Variants in GTF2F2 observed in about 807,000 individuals in gnomAD.
GTF2F2 encodes general transcription factor IIF subunit 2, also known as ATP-dependent helicase GTF2F2.
GTF2F2 carries 23 observed loss-of-function variants against 42.2 expected under a neutral mutation model. The observed-to-expected ratio is 0.55, with a 90% CI of 0.39 to 0.77. The LOEUF (loss-of-function observed/expected upper bound fraction) is 0.77. Ranked by LOEUF, GTF2F2 falls within the 30% of genes least tolerant of loss-of-function variation. The pLI, the probability that GTF2F2 is intolerant of heterozygous loss-of-function variation, is 0.00. For synonymous variants in GTF2F2, 105 were observed against 100.8 expected (o/e 1.04, Z -0.25); for missense variants, 261 against 287.2 (o/e 0.91, Z 0.66).
intron 4 of GTF2F2, among the ~76,000 whole-genome samples, chr13:45,157,920 A>T (rs1870842720): frequency 6.6e-6 from 1 of 152,198 alleles, no homozygotes; most frequent in Non-Finnish European, 1.5e-5. Flanking sequence ...CAGGAAATAG[A>T]AAATCAAATT....
intron 5 of GTF2F2, among the ~76,000 whole-genome samples, chr13:45,229,281 C>G (rs78390675): frequency 0.055 from 8,315 of 151,820 alleles, 324 homozygotes; most frequent in East Asian, 0.12. Context: ...ATTTACCACC[C>G]TTTTTTTTGC....
chr13:45,149,834 T>G (rs1267213247), intron 3 of GTF2F2, 46 bp downstream of exon 3: 1 of 1,459,190 alleles, frequency 6.9e-7, no homozygotes, highest in Non-Finnish European at 9.2e-7. Flanking sequence ...TGAGACTATC[T>G]TTTCATTAAT....
intron 4 of GTF2F2, among the ~76,000 whole-genome samples, chr13:45,190,665 G>A (rs916056813): frequency 2.0e-5 from 3 of 152,154 alleles, no homozygotes; most frequent in Non-Finnish European, 4.4e-5. Flanking sequence ...CCGGCATATA[G>A]TAAAATGCTT....
intron 4 of GTF2F2, among the ~76,000 whole-genome samples, chr13:45,194,989 T>C (rs1473163458): frequency 1.3e-5 from 2 of 152,234 alleles, no homozygotes. Flanking sequence ...TTGAATAATA[T>C]TGTCATCTTT....
intron 5 of GTF2F2, among the ~76,000 whole-genome samples, chr13:45,235,041 C>CAAAAAAAAAAAAAAAAAAA: frequency 2.3e-5 from 1 of 43,718 alleles, no homozygotes; most frequent in South Asian, 1.4e-3. Flanking sequence ...GCGGGAAACT[C>CAAAAAAAAAAAAAAAAAAA]AAAAAAAAAA....
At chr13:45,162,358 C>T (rs932139458) in intron 4 of GTF2F2, among the ~76,000 whole-genome samples, 3 of 152,162 alleles carry the variant, frequency 2.0e-5, no homozygotes, top group Non-Finnish European at 4.4e-5. Flanking sequence ...CTGTTTTTTG[C>T]TTACTCCTTT....
chr13:45,141,993 T>A (rs1869950684), intron 2 of GTF2F2, among the ~76,000 whole-genome samples: 1 of 152,228 alleles, frequency 6.6e-6, no homozygotes, highest in Non-Finnish European at 1.5e-5. Context: ...GTTCTGAGGC[T>A]TTGGTTTACT....
At chr13:45,247,552 C>T (rs1314312348) in intron 5 of GTF2F2, among the ~76,000 whole-genome samples, 37 of 151,358 alleles carry the variant, frequency 2.4e-4, no homozygotes, top group Admixed American at 2.4e-3. Flanking sequence ...GCCACCACAC[C>T]CAGCTAATTT....
intron 7 of GTF2F2, among the ~76,000 whole-genome samples, chr13:45,280,229 A>C (rs907711768): frequency 2.6e-5 from 4 of 152,242 alleles, no homozygotes; most frequent in Non-Finnish European, 5.9e-5. Context: ...GGCTAAAGGG[A>C]GAAGGCAGAC....
rs567136369 is a variant in GTF2F2 at position 45,184,553 on chromosome 13, T to A, written c.305-22871T>A. Among the ~76,000 whole-genome samples the A allele has an allele frequency of 5.1e-4, 77 of 152,086 alleles. 1 individual carries two copies. The South Asian group carries it at 0.015, about 29-fold the overall frequency. ...ACCATGTGAGCCACTGTAGCTAGCC[T>A]TTTTTCCCTTTAATTGTGAAATCCT... On this transcript the variant is annotated intron_variant, in intron 4 of 7. Coordinates refer to ENST00000340473, the MANE Select transcript of GTF2F2 (RefSeq NM_004128.3).
rs147448854 is a variant in GTF2F2, at chr13:45,141,837, G to A, written c.140+5031G>A. On this transcript the variant is annotated intron_variant, in intron 2 of 7. Transcript: ENST00000340473. ...ACAAATCATTTTGGGTGTTTAATAC[G>A]GACAAAGTTTTAAAACATTGTTATG... Among the ~76,000 whole-genome samples, 511 of 152,128 alleles carry A rather than the reference G, an allele frequency of 3.4e-3. 3 individuals are homozygous for A. Among genetic ancestry groups the A allele is most frequent in the African/African-American group, 0.012 (477 of 41,466 alleles).
intron 4 of GTF2F2, among the ~76,000 whole-genome samples, chr13:45,160,361 A>G (rs191428499): frequency 6.6e-6 from 1 of 152,348 alleles, no homozygotes; most frequent in Admixed American, 6.5e-5. Context: ...AGTTGTGGAC[A>G]TTCTTTTGCT....
intron 5 of GTF2F2, among the ~76,000 whole-genome samples, chr13:45,247,879 C>G (rs2138242347): frequency 6.6e-6 from 1 of 152,240 alleles, no homozygotes; most frequent in African/African-American, 2.4e-5. Flanking sequence ...GAATCTCGCT[C>G]TGTTGCCCAG....
At chr13:45,233,526 C>T (rs1364795971) in intron 5 of GTF2F2, among the ~76,000 whole-genome samples, 1 of 152,172 alleles carries the variant, frequency 6.6e-6, no homozygotes, top group Non-Finnish European at 1.5e-5. Context: ...GTAGACTGTT[C>T]CATGGACACA....
At chr13:45,263,640 A>G (rs1225004286) in intron 6 of GTF2F2, 1 of 152,174 alleles carries the variant, frequency 6.6e-6, no homozygotes, top group East Asian at 1.9e-4. Context: ...TAAACTATAT[A>G]GTTAATTTTA....
intron 7 of GTF2F2, among the ~76,000 whole-genome samples, chr13:45,274,323 CTTTTT>C (rs367793010): frequency 7.8e-5 from 8 of 102,430 alleles, no homozygotes; most frequent in Non-Finnish European, 1.1e-4. Flanking sequence ...ACAAATTATA[CTTTTT>C]TTTTTTTTTT....
chr13:45,167,557 C>T (rs1360996062), intron 4 of GTF2F2, among the ~76,000 whole-genome samples: 5 of 152,052 alleles, frequency 3.3e-5, no homozygotes, highest in Non-Finnish European at 5.9e-5. Context: ...ACCACCACAC[C>T]CAGCTAATTT....
At chr13:45,211,113 G>T (rs1398889851) in intron 5 of GTF2F2, among the ~76,000 whole-genome samples, 14 of 152,134 alleles carry the variant, frequency 9.2e-5, no homozygotes, top group Admixed American at 7.2e-4. Flanking sequence ...TCCCAGATTG[G>T]CTCCCTGCTG....
intron 4 of GTF2F2, among the ~76,000 whole-genome samples, chr13:45,172,375 A>G (rs556870069): frequency 3.4e-4 from 52 of 152,248 alleles, no homozygotes; most frequent in Admixed American, 8.5e-4. Context: ...CCCTTTGCCT[A>G]TTGTTAAACT....
Sources: gnomAD v4.1 joint callset for allele counts (sites outside exome capture counted in the v4.1 genomes callset) on GRCh38, gnomAD v4.1.1 for gene constraint, MANE v1.5 for transcripts, NCBI Gene and HGNC (gene_info 2026-07-23, HGNC 2026-07-21) for gene names.